SMIM19: variants seen among roughly 807,000 people sequenced by gnomAD.
SMIM19 encodes the protein UPF0697 protein C8orf40.
A neutral mutation model predicts 13.2 loss-of-function variants in SMIM19; 6 were observed. That is an observed-to-expected ratio of 0.45 (90% CI 0.25 to 0.90). The LOEUF is 0.90. Ranked by LOEUF, SMIM19 falls within the 40% of genes least tolerant of loss-of-function variation. The pLI, the probability that SMIM19 is intolerant of heterozygous loss-of-function variation, is 0.19. For synonymous variants in SMIM19, 46 were observed against 43.1 expected, an observed-to-expected ratio of 1.07 and a Z score of -0.27; for missense variants, 138 against 131.0, an observed-to-expected ratio of 1.05 and a Z score of -0.26.
intron 3 of SMIM19, among the ~76,000 whole-genome samples, chr8:42,551,187 G>A (rs915912756): frequency 3.3e-5 from 5 of 151,714 alleles, no homozygotes; most frequent in Non-Finnish European, 4.4e-5. Flanking sequence ...GCATGATGGC[G>A]GGCACCTGTA....
chr8:42,552,726 C>T lies in SMIM19; in HGVS notation c.*118C>T, dbSNP rs1302786182. On this transcript the variant is annotated 3_prime_UTR_variant, in exon 4 of 4. Transcript: ENST00000417410. ...TAAAATTATTTTACTTGTAACTTTT[C>T]CCCAATTGTTCTGTGCATTGTTTTG... is the stretch of plus-strand genomic sequence containing the variant. 8 of 1,249,908 alleles carry T rather than the reference C, an allele frequency of 6.4e-6. No homozygotes were observed. The highest frequency in any genetic ancestry group is 6.0e-5 in the African/African-American group (4 of 66,488). The allele number at this position is 1,249,908 out of a possible 1,614,324, so 77.4% of individuals were successfully genotyped here.
intron 1 of SMIM19, among the ~76,000 whole-genome samples, chr8:42,544,112 C>T (rs1386676961): frequency 6.6e-6 from 1 of 152,150 alleles, no homozygotes; most frequent in Non-Finnish European, 1.5e-5. Flanking sequence ...AATTGAAACT[C>T]TCAATATGTC....
rs1475236733 is a variant in SMIM19 at position 42,555,057 on chromosome 8, G to C, written c.*2449G>C. ...TCAGAAAATGACATGCAAGGTTTAT[G>C]GTAAAACTGCTGTACAATCAGAAGT... On this transcript the variant is annotated 3_prime_UTR_variant, in exon 4 of 4. Transcript: ENST00000417410. The C allele has an allele frequency of 5.3e-5, 8 of 152,084 alleles. No individual in the cohort carries two copies. The highest frequency in any genetic ancestry group is 1.7e-4 in the African/African-American group (7 of 41,400). 9.4% of individuals were successfully genotyped at this position (152,084 alleles called of 1,614,324 possible).
intron 3 of SMIM19, among the ~76,000 whole-genome samples, chr8:42,551,961 T>C (rs1023152671): frequency 6.6e-6 from 1 of 152,048 alleles, no homozygotes; most frequent in African/African-American, 2.4e-5. Context: ...AATACAGTTT[T>C]GAAATTTTAA....
intron 3 of SMIM19, among the ~76,000 whole-genome samples, chr8:42,551,910 C>G (rs1813688407): frequency 6.6e-6 from 1 of 152,180 alleles, no homozygotes; most frequent in Admixed American, 6.5e-5. Context: ...TGCCACTGCA[C>G]TCCAACTTGG....
In SMIM19 at chr8:42,552,767, T is replaced by C. The variant is rs1455024716; in HGVS notation, c.*159T>C. On this transcript the variant is annotated 3_prime_UTR_variant, in exon 4 of 4. Transcript: ENST00000417410. Reference sequence around the variant, plus strand: ...CATTGTTTTGCCTTTTTAAATTACATCTCCAAGTGGCTCAAAAGGCCTTGA... The same window carrying C: ...CATTGTTTTGCCTTTTTAAATTACACCTCCAAGTGGCTCAAAAGGCCTTGA... The C allele has an allele frequency of 2.4e-5, 19 of 803,316 alleles. No homozygotes were observed. In the East Asian group the frequency reaches 5.1e-4, roughly 22 times the overall value. The allele number at this position is 803,316 out of a possible 1,614,324, so 49.8% of individuals were successfully genotyped here.
intron 3 of SMIM19, 29 bp downstream of exon 3, chr8:42,548,809 C>T: frequency 6.4e-7 from 1 of 1,571,548 alleles, no homozygotes; most frequent in East Asian, 2.3e-5. Context: ...GAAAGATACA[C>T]ATATGCACAT....
chr8:42,546,368 G>A (rs1813482667), intron 1 of SMIM19, 101 bp from the exon 2 acceptor site: 2 of 1,354,656 alleles, frequency 1.5e-6, no homozygotes, highest in Non-Finnish European at 9.8e-7. Flanking sequence ...AACAGGTGGT[G>A]GACTGGATTT....
At chr8:42,545,619 C>T (rs1813452303) in intron 1 of SMIM19, among the ~76,000 whole-genome samples, 1 of 152,234 alleles carries the variant, frequency 6.6e-6, no homozygotes. Context: ...TAACCTCCGT[C>T]TCCCAGGTTC....
chr8:42,548,356 G>A (rs1283806293), intron 2 of SMIM19: 4 of 478,990 alleles, frequency 8.4e-6, no homozygotes, highest in Non-Finnish European at 1.7e-5. Flanking sequence ...CTGTTTTCTT[G>A]TTTGTGATTT....
intron 1 of SMIM19, among the ~76,000 whole-genome samples, chr8:42,543,904 CTT>C (rs1013182377): frequency 1.3e-5 from 2 of 152,066 alleles, no homozygotes; most frequent in East Asian, 3.9e-4. Flanking sequence ...ATAAAGTCAT[CTT>C]TTTTTTGCCA....
chr8:42,555,024 A>C lies in SMIM19; in HGVS notation c.*2416A>C, dbSNP rs1813779198. The C allele has an allele frequency of 6.6e-6, 1 of 152,224 alleles. No homozygotes were observed. Among genetic ancestry groups the C allele is most frequent in the Non-Finnish European group, 1.5e-5 (1 of 68,048 alleles). The allele number at this position is 152,224 out of a possible 1,614,324, so 9.4% of individuals were successfully genotyped here. The stretch of plus-strand genomic sequence containing the variant: ...CACGCTGTGTCTGGTTGAGTTATTC[A>C]TGATTCATCAGAAAATGACATGCAA... On this transcript the variant is annotated 3_prime_UTR_variant, in exon 4 of 4. Coordinates refer to ENST00000417410, the MANE Select transcript of SMIM19 (RefSeq NM_001135674.2).
rs376627623 is a variant in SMIM19, at chr8:42,545,216, C to G, written c.-4-1253C>G. Among the ~76,000 whole-genome samples the G allele has an allele frequency of 2.0e-5, 3 of 152,370 alleles. No individual in the cohort carries two copies. The East Asian group carries it at 5.8e-4, about 29-fold the overall frequency. On this transcript the variant is annotated intron_variant, in intron 1 of 3. Transcript: ENST00000417410. ...CTTTAAAGAAAAATTCAGTTAACTTCTCAAACACAAAGAAGAAGTCATTAC... is the reference window on the plus strand; with the variant it reads ...CTTTAAAGAAAAATTCAGTTAACTTGTCAAACACAAAGAAGAAGTCATTAC...
At chr8:42,549,527 G>A (rs745481693) in intron 3 of SMIM19, among the ~76,000 whole-genome samples, 24 of 152,114 alleles carry the variant, frequency 1.6e-4, no homozygotes, top group Non-Finnish European at 2.2e-4. Flanking sequence ...TTTCACTTAC[G>A]TGAGGCAAAT....
chr8:42,546,485 T>C lies in SMIM19; in HGVS notation c.13T>C (p.Tyr5His). 3 of 1,612,354 alleles carry C rather than the reference T, an allele frequency of 1.9e-6. No homozygotes were observed. The highest frequency in any genetic ancestry group is 2.5e-6 in the Non-Finnish European group (3 of 1,179,584). Residue 5 changes from tyrosine to histidine, a missense_variant, in exon 2 of 4, where the codon TAT (tyrosine) becomes CAT (histidine). Transcript: ENST00000417410. ...CTCTTACAGCCCCATGGCTGGGGGT[T>C]ATGGAGTGATGGGTGACGATGGTTC... is the stretch of plus-strand genomic sequence containing the variant. MAGGYGVMGDDGSID... is the reference protein window; with the variant it reads MAGGHGVMGDDGSID...
rs79338157 is a variant in SMIM19, at chr8:42,550,589, C to T, written c.259+1809C>T. Among the ~76,000 whole-genome samples, 414 of 152,308 alleles carry T rather than the reference C, an allele frequency of 2.7e-3. 1 individual carries two copies. The highest frequency in any genetic ancestry group is 0.017 in the Middle Eastern group (5 of 294). On this transcript the variant is annotated intron_variant, in intron 3 of 3. Coordinates refer to ENST00000417410, the MANE Select transcript of SMIM19 (RefSeq NM_001135674.2). ...CTTTCTGACTATTTCATGTCCACAT[C>T]TCCTTCTCTCAGAACTTAGGCAGGA...
rs372461073 is a variant in SMIM19, at chr8:42,546,539, A to T, written c.67A>T (p.Asn23Tyr). The change falls in exon 2 of 4, where the codon AAT becomes TAT. Residue 23 changes from asparagine to tyrosine, a missense_variant. Physicochemically the swap from Asn to Tyr is moderately radical, Grantham distance 143. Coordinates refer to ENST00000417410, the MANE Select transcript of SMIM19 (RefSeq NM_001135674.2). ...SIDYTVHEAW[N>Y]EATNVYLIVI... ...TGATTATACTGTTCACGAAGCCTGG[A>T]ATGAAGCCACCAATGTTTACTTGAT... 3.2e-5 allele frequency: 51 copies of T among 1,614,230 alleles called. No homozygotes were observed. Among genetic ancestry groups the T allele is most frequent in the Non-Finnish European group, 4.2e-5 (49 of 1,180,036 alleles).
At chr8:42,546,156 C>A (rs1813474745) in intron 1 of SMIM19, among the ~76,000 whole-genome samples, 2 of 152,192 alleles carry the variant, frequency 1.3e-5, no homozygotes, top group South Asian at 2.1e-4. Context: ...TAAGCACTTA[C>A]AATACCTAAT....
chr8:42,554,277 C>G lies in SMIM19; in HGVS notation c.*1669C>G, dbSNP rs568404533. ...GTAATTATGGGTTGTAGTAACAGAG[C>G]AACAAGGGGACAATCTTCTAAACTT... On this transcript the variant is annotated 3_prime_UTR_variant, in exon 4 of 4. Transcript: ENST00000417410. 2 of 152,288 alleles carry G rather than the reference C, an allele frequency of 1.3e-5. No individual in the cohort carries two copies. The highest frequency in any genetic ancestry group is 4.8e-5 in the African/African-American group (2 of 41,558). 9.4% of individuals were successfully genotyped at this position (152,288 alleles called of 1,614,324 possible). A position where few individuals can be genotyped will look rare whatever the true frequency, so the allele number is the denominator to read the frequency against.
Sources: gnomAD v4.1 joint callset for allele counts (sites outside exome capture counted in the v4.1 genomes callset) on GRCh38, gnomAD v4.1.1 for gene constraint, MANE v1.5 for transcripts, NCBI Gene and HGNC (gene_info 2026-07-23, HGNC 2026-07-21) for gene names.